ENOSF1: variants seen among roughly 807,000 people sequenced by gnomAD.
The protein encoded by ENOSF1 is enolase superfamily member 1.
A neutral mutation model predicts 68.2 loss-of-function variants in ENOSF1; 73 were observed. The observed-to-expected ratio is 1.07, with a 90% confidence interval of 0.89 to 1.30. The LOEUF (loss-of-function observed/expected upper bound fraction) is 1.30. ENOSF1 is among the 50% of genes most tolerant of loss of function. ENOSF1 has a pLI of 0.00. For missense variants in ENOSF1, 589 were observed against 554.5 expected, an observed-to-expected ratio of 1.06 and a Z score of -0.62; for synonymous variants, 223 against 210.4, an observed-to-expected ratio of 1.06 and a Z score of -0.52.
At chr18:679,208 CTTTT>C (rs71174268) in intron 11 of ENOSF1, among the ~76,000 whole-genome samples, 9 of 123,796 alleles carry the variant, frequency 7.3e-5, no homozygotes, top group East Asian at 2.3e-4. Context: ...CCTCTCATAT[CTTTT>C]TTTTTTTTTT....
intron 8 of ENOSF1, 29 bp downstream of exon 8, chr18:690,520 T>TG (rs755222219): frequency 1.2e-6 from 2 of 1,613,904 alleles, no homozygotes; most frequent in East Asian, 4.5e-5. Flanking sequence ...CCCATTCAGC[T>TG]GTCTACAAAG....
intron 11 of ENOSF1, among the ~76,000 whole-genome samples, chr18:680,945 A>G (rs2076017834): frequency 6.6e-6 from 1 of 151,488 alleles, no homozygotes; most frequent in African/African-American, 2.4e-5. Context: ...TCCTGGGTTC[A>G]CGCCATTCTC....
At chr18:705,592 T>G (rs1228147576) in intron 2 of ENOSF1, among the ~76,000 whole-genome samples, 1 of 152,170 alleles carries the variant, frequency 6.6e-6, no homozygotes, top group Non-Finnish European at 1.5e-5. Context: ...AAGAATGACG[T>G]ATACATGGCT....
At chr18:694,498 G>A (rs999512433) in intron 3 of ENOSF1, among the ~76,000 whole-genome samples, 164 bp from the exon 4 acceptor site, 5 of 152,050 alleles carry the variant, frequency 3.3e-5, no homozygotes, top group South Asian at 2.1e-4. Flanking sequence ...AGGTGTGGTG[G>A]TTTGTGCCTG....
Position 702,169 on chromosome 18 carries a change from C to T in ENOSF1, c.193+4301G>A, listed in dbSNP as rs200228885. ...GTCCCAGCTACCTGGGAGGCTGAGG[C>T]AGGAGAATCGCTTGAACCTGGGAGG... On this transcript the variant is annotated intron_variant, in intron 2 of 15. Coordinates refer to ENST00000647584, the MANE Select transcript of ENOSF1 (RefSeq NM_017512.7). 2.1e-5 allele frequency among the ~76,000 whole-genome samples: 3 copies of T among 145,250 alleles called. No homozygotes were observed. The East Asian group carries it at 6.2e-4, about 30-fold the overall frequency.
At chr18:676,388 C>T (rs186370618) in intron 14 of ENOSF1, among the ~76,000 whole-genome samples, 17 of 144,968 alleles carry the variant, frequency 1.2e-4, no homozygotes, top group Admixed American at 1.1e-3. Flanking sequence ...GTTTGGCACC[C>T]GTTCCTTGGT....
intron 11 of ENOSF1, among the ~76,000 whole-genome samples, chr18:681,013 G>T (rs2076026747): frequency 6.6e-6 from 1 of 152,062 alleles, no homozygotes; most frequent in Non-Finnish European, 1.5e-5. Flanking sequence ...GAGGTCAGAA[G>T]ATCGAGACCA....
chr18:672,266 T>G lies in ENOSF1; in HGVS notation c.*2039A>C, dbSNP rs1331096333. The stretch of plus-strand genomic sequence containing the variant: ...AGACACTTTTTAGCCCCTTCCAGGT[T>G]AGATCCAGGTTTTAAAAGTTACTCC... On this transcript the variant is annotated 3_prime_UTR_variant, in exon 16 of 16. Transcript: ENST00000647584. The G allele has an allele frequency of 1.3e-5, 2 of 152,268 alleles. No homozygotes were observed. The highest frequency in any genetic ancestry group is 2.9e-5 in the Non-Finnish European group (2 of 68,064). 9.4% of individuals were successfully genotyped at this position (152,268 alleles called of 1,614,324 possible). A position where few individuals can be genotyped will look rare whatever the true frequency, so the allele number is the denominator to read the frequency against.
At chr18:669,480 C>T, downstream of ENOSF1, 1 of 212,518 alleles carries the variant, frequency 4.7e-6, no homozygotes, top group Non-Finnish European at 9.3e-6. Context: ...TCGAGTGATT[C>T]TCCTGCCTCA....
intron 2 of ENOSF1, among the ~76,000 whole-genome samples, chr18:702,280 A>AAT (rs2078447430): frequency 6.7e-6 from 1 of 149,074 alleles, no homozygotes; most frequent in Non-Finnish European, 1.5e-5. Flanking sequence ...AAAAAAAAAA[A>AAT]AAAAAACCCA....
At chr18:711,006 C>CA in intron 1 of ENOSF1, among the ~76,000 whole-genome samples, 1 of 152,032 alleles carries the variant, frequency 6.6e-6, no homozygotes, top group Non-Finnish European at 1.5e-5. Flanking sequence ...CCTGTCTCTA[C>CA]AAAAAATACA....
chr18:682,997 G>A (rs952308570), intron 11 of ENOSF1: 12 of 456,064 alleles, frequency 2.6e-5, no homozygotes, highest in Admixed American at 1.1e-4. Flanking sequence ...CAAATTGCTG[G>A]TAGCCCTTCA....
Position 673,444 on chromosome 18 carries a change from T to G in ENOSF1, c.*861A>C, listed in dbSNP as rs1223563765. 1 of 85,106 alleles carries G rather than the reference T, an allele frequency of 1.2e-5. No homozygotes were observed. Among genetic ancestry groups the G allele is most frequent in the Non-Finnish European group, 1.9e-5 (1 of 52,898 alleles). 5.3% of individuals were successfully genotyped at this position (85,106 alleles called of 1,614,324 possible). Reference sequence around the variant, plus strand: ...ATGATGTAGAGTGTGGTTATGAACTTTAAAGTTATAGTTGTTTTATATGTT... The same window carrying G: ...ATGATGTAGAGTGTGGTTATGAACTGTAAAGTTATAGTTGTTTTATATGTT... On this transcript the variant is annotated 3_prime_UTR_variant, in exon 16 of 16. Transcript: ENST00000647584.
intron 2 of ENOSF1, among the ~76,000 whole-genome samples, chr18:704,894 C>T (rs1201148384): frequency 6.6e-6 from 1 of 152,128 alleles, no homozygotes; most frequent in African/African-American, 2.4e-5. Context: ...GCCTGAATCA[C>T]CACGCCTGGC....
chr18:690,821 G>C (rs996961472), intron 7 of ENOSF1, 190 bp from the exon 8 acceptor site: 32 of 1,447,422 alleles, frequency 2.2e-5, no homozygotes, highest in Non-Finnish European at 2.8e-5. Flanking sequence ...GGACTGCCCT[G>C]CTCCCCCAGG....
At chr18:711,154 A>G (rs950654339) in intron 1 of ENOSF1, among the ~76,000 whole-genome samples, 1 of 152,178 alleles carries the variant, frequency 6.6e-6, no homozygotes, top group African/African-American at 2.4e-5. Flanking sequence ...TGGGCAACAG[A>G]TAAGAGACCC....
chr18:704,440 G>GGAAAAAA (rs1555671901), intron 2 of ENOSF1, among the ~76,000 whole-genome samples: 1 of 97,254 alleles, frequency 1.0e-5, no homozygotes, highest in Non-Finnish European at 2.0e-5. Context: ...AAAAAGAAAA[G>GGAAAAAA]AAAAAAAAAA....
chr18:674,718 C>A (rs575960633), intron 15 of ENOSF1, among the ~76,000 whole-genome samples: 1 of 152,224 alleles, frequency 6.6e-6, no homozygotes, highest in African/African-American at 2.4e-5. Flanking sequence ...CAGGGTTTCA[C>A]CATGTTGGCC....
At position 690,593 on chromosome 18, in the gene ENOSF1, T is replaced by C. The variant is rs2077043987; in HGVS notation, c.574A>G (p.Thr192Ala). The change falls in exon 8 of 16, where the codon ACA (threonine) becomes GCA (alanine). Residue 192 changes from threonine to alanine, a missense_variant. Thr to Ala is a moderately conservative substitution (Grantham distance 58). Coordinates refer to ENST00000647584, the MANE Select transcript of ENOSF1 (RefSeq NM_017512.7). ...GAGTACCCCAGCCAGGCGCACGATGTCGTGTAAGCAGGGTATCCTTGTGCC... is the reference window on the plus strand; with the variant it reads ...GAGTACCCCAGCCAGGCGCACGATGCCGTGTAAGCAGGGTATCCTTGTGCC... ...MLAQGYPAYT[T>A]SCAWLGYSDD... 6.2e-7 allele frequency: 1 copy of C among 1,614,108 alleles called. No homozygotes were observed. The highest frequency in any genetic ancestry group is 1.1e-5 in the South Asian group (1 of 91,088).
Sources: allele counts gnomAD v4.1 joint callset (sites outside exome capture counted in the v4.1 genomes callset), GRCh38; gene constraint gnomAD v4.1.1; transcripts MANE v1.5; gene names NCBI Gene and HGNC (gene_info 2026-07-23, HGNC 2026-07-21).